The following INSYN2B variants were observed in gnomAD, a reference collection of about 807,000 sequenced individuals.
The protein encoded by INSYN2B is protein INSYN2B.
Under a neutral mutation model 41.2 loss-of-function variants are expected in INSYN2B, and 16 were observed. The observed-to-expected ratio is 0.39, with a 90% confidence interval of 0.26 to 0.59. The LOEUF (loss-of-function observed/expected upper bound fraction) is 0.59, where lower values mean the gene tolerates loss of function less well. INSYN2B is among the 20% of genes least tolerant of loss of function. The pLI is 0.57. For missense variants in INSYN2B, 608 were observed against 646.4 expected, an observed-to-expected ratio of 0.94 and a Z score of 0.64; for synonymous variants, 245 against 244.4, an observed-to-expected ratio of 1.00 and a Z score of -0.02.
chr5:169,908,713 CTTTTTTTTTT>C (rs34261104), intron 1 of INSYN2B, among the ~76,000 whole-genome samples: 11 of 105,048 alleles, frequency 1.0e-4, no homozygotes, highest in Middle Eastern at 4.7e-3. Context: ...TTTCTTTTTT[CTTTTTTTTTT>C]TTTTTTTTTG....
chr5:169,912,266 C>T (rs1015715796), intron 1 of INSYN2B, among the ~76,000 whole-genome samples: 2 of 151,886 alleles, frequency 1.3e-5, no homozygotes, highest in African/African-American at 4.8e-5. Context: ...CACTGTGTTG[C>T]CCAGGCTGAT....
intron 1 of INSYN2B, among the ~76,000 whole-genome samples, chr5:169,926,530 G>C (rs1017041366): frequency 6.6e-6 from 1 of 152,200 alleles, no homozygotes; most frequent in African/African-American, 2.4e-5. Flanking sequence ...TGAGAAAGAT[G>C]AATCTGGGTG....
chr5:169,872,002 A>G (rs957214599), intron 3 of INSYN2B, among the ~76,000 whole-genome samples: 4 of 152,206 alleles, frequency 2.6e-5, no homozygotes, highest in Non-Finnish European at 1.5e-5. Flanking sequence ...CTTCCTTCTC[A>G]GCAGTGGGTC....
chr5:169,895,542 G>A (rs1376069351), intron 1 of INSYN2B, among the ~76,000 whole-genome samples: 1 of 151,874 alleles, frequency 6.6e-6, no homozygotes, highest in South Asian at 2.1e-4. Context: ...CTCTTCTTTT[G>A]GGGGTAGGAT....
intron 1 of INSYN2B, among the ~76,000 whole-genome samples, chr5:169,931,292 G>C (rs1351724128): frequency 6.6e-6 from 1 of 152,226 alleles, no homozygotes; most frequent in African/African-American, 2.4e-5. Context: ...TGCTGACAAA[G>C]CCATCAAAGT....
intron 1 of INSYN2B, among the ~76,000 whole-genome samples, chr5:169,900,856 T>C (rs568722079): frequency 2.0e-5 from 3 of 152,186 alleles, no homozygotes; most frequent in Non-Finnish European, 2.9e-5. Context: ...GAATTGACTG[T>C]AAGTAAAGTG....
At chr5:169,899,333 C>T (rs772962426) in intron 1 of INSYN2B, among the ~76,000 whole-genome samples, 3 of 152,182 alleles carry the variant, frequency 2.0e-5, no homozygotes, top group African/African-American at 7.2e-5. Context: ...ACTTCTCTCA[C>T]TCTCTGTAAA....
At position 169,967,950 on chromosome 5, in the gene INSYN2B, A is replaced by C. The variant is rs546358469; in HGVS notation, c.-919+12327T>G. Among the ~76,000 whole-genome samples, 4 of 152,324 alleles carry C rather than the reference A, an allele frequency of 2.6e-5. No individual in the cohort carries two copies. In the South Asian group the frequency reaches 8.3e-4, roughly 32 times the overall value. ...CTGGCCAAAGTGGCTGGTTCTGAGA[A>C]GGAGCACATGGGGAGGAGGAAGAAA... On this transcript the variant is annotated intron_variant, in intron 1 of 3. Transcript: ENST00000377365.
chr5:169,873,611 T>A (rs1772121781), intron 3 of INSYN2B, among the ~76,000 whole-genome samples: 2 of 152,248 alleles, frequency 1.3e-5, no homozygotes, highest in African/African-American at 4.8e-5. Context: ...GGCTCCACGC[T>A]GGGACACTGT....
chr5:169,954,098 A>G (rs1214700169), intron 1 of INSYN2B, among the ~76,000 whole-genome samples: 1 of 152,226 alleles, frequency 6.6e-6, no homozygotes, highest in African/African-American at 2.4e-5. Context: ...CCCACATTTT[A>G]TCAAACATAC....
chr5:169,949,111 T>G lies in INSYN2B; in HGVS notation c.-919+31166A>C, dbSNP rs1027899883. On this transcript the variant is annotated intron_variant, in intron 1 of 3. Transcript: ENST00000377365. ...GTGGATAAAAGTGTATAGCCCTGTA[T>G]TCGAATTTCCTTGGCATCTTTTTGA... Among the ~76,000 whole-genome samples the G allele has an allele frequency of 8.5e-5, 13 of 152,342 alleles. No individual in the cohort carries two copies. In the East Asian group the frequency reaches 2.5e-3, roughly 29 times the overall value.
chr5:169,901,722 T>A (rs553141056), intron 1 of INSYN2B, among the ~76,000 whole-genome samples: 9 of 152,160 alleles, frequency 5.9e-5, no homozygotes, highest in Non-Finnish European at 8.8e-5. Context: ...TTGATTTGAG[T>A]GGATTTGACT....
intron 1 of INSYN2B, among the ~76,000 whole-genome samples, chr5:169,956,525 T>TAA (rs1776874639): frequency 6.6e-6 from 1 of 152,210 alleles, no homozygotes; most frequent in Non-Finnish European, 1.5e-5. Context: ...AGACATGAGC[T>TAA]TGTAAGTGAA....
intron 1 of INSYN2B, among the ~76,000 whole-genome samples, chr5:169,898,601 A>G (rs929693377): frequency 1.3e-5 from 2 of 152,188 alleles, no homozygotes; most frequent in Admixed American, 1.3e-4. Context: ...AAAGAATGAC[A>G]GTTAAGCTCT....
chr5:169,875,170 C>A (rs999336376), intron 3 of INSYN2B: 2 of 454,598 alleles, frequency 4.4e-6, no homozygotes, highest in Non-Finnish European at 8.8e-6. Flanking sequence ...TCTTTCAAGA[C>A]CCTGATTTTT....
chr5:169,962,490 G>A (rs548789738), intron 1 of INSYN2B, among the ~76,000 whole-genome samples: 1 of 152,246 alleles, frequency 6.6e-6, no homozygotes, highest in South Asian at 2.1e-4. Context: ...AATTCCAACT[G>A]AGCATCTTGA....
chr5:169,899,990 A>T (rs1773829907), intron 1 of INSYN2B, among the ~76,000 whole-genome samples: 1 of 152,146 alleles, frequency 6.6e-6, no homozygotes, highest in Non-Finnish European at 1.5e-5. Flanking sequence ...TGTCCATTGT[A>T]TTCACTTCAG....
chr5:169,899,908 A>G (rs1053484286), intron 1 of INSYN2B, among the ~76,000 whole-genome samples: 2 of 152,180 alleles, frequency 1.3e-5, no homozygotes, highest in South Asian at 4.1e-4. Context: ...ATCTGCCCTA[A>G]TCATGTATTA....
chr5:169,971,963 C>T (rs1219410933), intron 1 of INSYN2B, among the ~76,000 whole-genome samples: 1 of 152,032 alleles, frequency 6.6e-6, no homozygotes, highest in African/African-American at 2.4e-5. Flanking sequence ...ACTACCACTC[C>T]CTGCCCTTGC....
Sources: gnomAD v4.1 joint callset for allele counts (sites outside exome capture counted in the v4.1 genomes callset) on GRCh38, gnomAD v4.1.1 for gene constraint, MANE v1.5 for transcripts, NCBI Gene and HGNC (gene_info 2026-07-23, HGNC 2026-07-21) for gene names.